Variants in TP73 observed in about 807,000 individuals in gnomAD.
TP73 encodes the protein p53-like transcription factor.
Under a neutral mutation model 62.5 loss-of-function variants are expected in TP73, and 25 were observed. The ratio of observed to expected loss-of-function variants is 0.40; its 90% CI spans 0.29 to 0.56. TP73 has a LOEUF of 0.56. TP73 is among the 20% of genes least tolerant of loss of function. The pLI is 0.46. For synonymous variants in TP73, 423 were observed against 377.5 expected (o/e 1.12, Z -1.40); for missense variants, 754 against 913.3 (o/e 0.83, Z 2.25).
At chr1:3,664,930 C>A (rs1209287975) in intron 1 of TP73, among the ~76,000 whole-genome samples, 1 of 152,200 alleles carries the variant, frequency 6.6e-6, no homozygotes, top group Non-Finnish European at 1.5e-5. Flanking sequence ...ACCATCCTCT[C>A]TTTATGGTCC....
intron 1 of TP73, among the ~76,000 whole-genome samples, chr1:3,669,116 G>T (rs1218308436): frequency 6.6e-6 from 1 of 152,254 alleles, no homozygotes; most frequent in Non-Finnish European, 1.5e-5. Context: ...AGCCAGCCGA[G>T]GGCCACTTCC....
intron 1 of TP73, among the ~76,000 whole-genome samples, chr1:3,675,446 A>T (rs1200629421): frequency 6.6e-6 from 1 of 152,064 alleles, no homozygotes; most frequent in African/African-American, 2.4e-5. Context: ...GTGCATTGAG[A>T]TGTTTGCTTT....
chr1:3,725,801 T>C (rs1263114581), intron 6 of TP73, among the ~76,000 whole-genome samples: 1 of 26,490 alleles, frequency 3.8e-5, no homozygotes, highest in Non-Finnish European at 6.6e-5. Flanking sequence ...GGATGATGGA[T>C]GGATGGATGG....
chr1:3,715,641 C>A (rs1373084528), intron 4 of TP73, among the ~76,000 whole-genome samples: 1 of 152,166 alleles, frequency 6.6e-6, no homozygotes, highest in Non-Finnish European at 1.5e-5. Context: ...TGCCCCATTC[C>A]CTGGCAGGTG....
Position 3,701,821 on chromosome 1 carries a change from T to C in TP73, c.187-5728T>C, listed in dbSNP as rs1639194765. ...ACCACGCCTGGCCAGTACATGTTGA[T>C]TTCATCCCCACTCTGCAGATGAGAA... On this transcript the variant is annotated intron_variant, in intron 3 of 13. Transcript: ENST00000378295. This position sits in a 1 kb window ranked among gnomAD's most constrained non-coding sequence, Gnocchi z 4.7. 6.6e-6 allele frequency among the ~76,000 whole-genome samples: 1 copy of C among 152,136 alleles called. No homozygotes were observed. The highest frequency in any genetic ancestry group is 1.5e-5 in the Non-Finnish European group (1 of 68,020).
chr1:3,685,589 C>T (rs1479041082), intron 3 of TP73, among the ~76,000 whole-genome samples: 1 of 152,218 alleles, frequency 6.6e-6, no homozygotes, highest in African/African-American at 2.4e-5. Context: ...GTCCCCTACC[C>T]CTGACTCCCA....
intron 10 of TP73, 132 bp from the exon 11 acceptor site, chr1:3,729,868 G>A (rs921095670): frequency 7.0e-6 from 9 of 1,293,690 alleles, no homozygotes; most frequent in South Asian, 3.0e-5. Context: ...AGGGAGGCTG[G>A]GGGAGGATGA....
At chr1:3,711,833 C>T (rs1364381049) in intron 4 of TP73, among the ~76,000 whole-genome samples, 3 of 123,830 alleles carry the variant, frequency 2.4e-5, no homozygotes, top group African/African-American at 8.1e-5. Context: ...TGTGTGTGTG[C>T]GCGAGCGTGT....
chr1:3,704,099 C>G (rs964265965), intron 3 of TP73, among the ~76,000 whole-genome samples: 4 of 152,190 alleles, frequency 2.6e-5, no homozygotes, highest in African/African-American at 9.7e-5. Context: ...TCTGCCAGCT[C>G]GCTTGTTCAG....
chr1:3,669,885 C>T (rs1297788244), intron 1 of TP73, among the ~76,000 whole-genome samples: 2 of 152,182 alleles, frequency 1.3e-5, no homozygotes, highest in African/African-American at 4.8e-5. Context: ...GCAGTGCCTG[C>T]GGACACATGT....
At chr1:3,707,852 C>CT in intron 4 of TP73, 61 bp downstream of exon 4, 1 of 1,560,282 alleles carries the variant, frequency 6.4e-7, no homozygotes, top group Non-Finnish European at 8.7e-7. Flanking sequence ...GAGGAGGTGG[C>CT]TGCGTTCCCC....
rs369342367 is a variant in TP73 at position 3,730,995 on chromosome 1, G to T, written c.1414G>T (p.Ala472Ser). 1 of 1,612,350 alleles carries T rather than the reference G, an allele frequency of 6.2e-7. No individual in the cohort carries two copies. Among genetic ancestry groups the T allele is most frequent in the South Asian group, 1.1e-5 (1 of 91,042 alleles). The change falls in exon 12 of 14, where the codon GCC becomes TCC. Residue 472 changes from alanine to serine, a missense_variant. Transcript: ENST00000378295. ...CGGCGAGATGAGCAGCAGCCACAGC[G>T]CCCAGTCCATGGTCTCGGGGTCCCA... ...ANGEMSSSHS[A>S]QSMVSGSHCT...
chr1:3,726,441 G>C (rs1269563343), intron 6 of TP73, among the ~76,000 whole-genome samples: 1 of 123,238 alleles, frequency 8.1e-6, no homozygotes, highest in South Asian at 2.9e-4. Flanking sequence ...GGGTGGACGT[G>C]TGGGTGGGTG....
rs761491632 is a variant in TP73 at position 3,707,607 on chromosome 1, C to T, written c.245C>T (p.Ala82Val). Residue 82 changes from alanine (A) to valine (V), a missense_variant, in exon 4 of 14, where the codon GCC (alanine) becomes GTC (valine). Physicochemically the swap from Ala to Val is moderately conservative, Grantham distance 64. This residue lies in a region of TP73 where 235 missense variants were observed against 251.4 expected (regional missense o/e 0.93). Transcript: ENST00000378295. ...CAGATGAGCAGCCGCGCGGCCTCGGCCAGCCCCTACACCCCAGAGCACGCC... is the reference window on the plus strand; with the variant it reads ...CAGATGAGCAGCCGCGCGGCCTCGGTCAGCCCCTACACCCCAGAGCACGCC... ...MDQMSSRAAS[A>V]SPYTPEHAAS... is the part of the protein sequence containing the mutation. The T allele has an allele frequency of 7.4e-6, 12 of 1,612,728 alleles. No individual in the cohort carries two copies. Among genetic ancestry groups the T allele is most frequent in the Non-Finnish European group, 1.0e-5 (12 of 1,179,848 alleles).
At position 3,699,715 on chromosome 1, in the gene TP73, G is replaced by A. The variant is rs774585110; in HGVS notation, c.187-7834G>A. ...TGAATGAGAGTGCGGGATAAATGCCGGGCGGGGAGCAGGGATGCTCGGGCG... is the reference window on the plus strand; with the variant it reads ...TGAATGAGAGTGCGGGATAAATGCCAGGCGGGGAGCAGGGATGCTCGGGCG... On this transcript the variant is annotated intron_variant, in intron 3 of 13. Coordinates refer to ENST00000378295, the MANE Select transcript of TP73 (RefSeq NM_005427.4). This position sits in a 1 kb window ranked among gnomAD's most constrained non-coding sequence, Gnocchi z 4.1. Among the ~76,000 whole-genome samples the A allele has an allele frequency of 8.5e-5, 13 of 152,312 alleles. No individual in the cohort carries two copies. Among genetic ancestry groups the A allele is most frequent in the Admixed American group, 2.0e-4 (3 of 15,302 alleles).
intron 6 of TP73, among the ~76,000 whole-genome samples, chr1:3,724,351 T>TC (rs1350057754): frequency 6.8e-6 from 1 of 146,094 alleles, no homozygotes; most frequent in African/African-American, 2.6e-5. Context: ...AGCCCCAGCC[T>TC]CCCCCACCAG....
At chr1:3,690,980 G>A in intron 3 of TP73, 1 of 1,562,592 alleles carries the variant, frequency 6.4e-7, no homozygotes, top group Non-Finnish European at 8.7e-7. Flanking sequence ...ATCTCTTCGG[G>A]GACTTTGCGG....
At position 3,722,045 on chromosome 1, in the gene TP73, T is replaced by C. The variant is rs1641113989; in HGVS notation, c.454T>C (p.Tyr152His). ...GTACTCCCCGCTCTTGAAGAAACTC[T>C]ACTGCCAGATCGCCAAGACATGCCC... ...WTYSPLLKKL[Y>H]CQIAKTCPIQ... Residue 152 changes from tyrosine (Y) to histidine (H), a missense_variant, in exon 5 of 14, where the codon TAC becomes CAC. Transcript: ENST00000378295. 6.2e-7 allele frequency: 1 copy of C among 1,610,970 alleles called. No individual in the cohort carries two copies. Among genetic ancestry groups the C allele is most frequent in the Non-Finnish European group, 8.5e-7 (1 of 1,178,510 alleles).
rs1436702612 is a variant in TP73, at chr1:3,700,650, T to A, written c.187-6899T>A. Among the ~76,000 whole-genome samples the A allele has an allele frequency of 7.2e-5, 11 of 151,868 alleles. No homozygotes were observed. In the South Asian group the frequency reaches 2.3e-3, roughly 32 times the overall value. ...CCGTCTCTACTAAAAATACAAAAAT[T>A]AGCGTCTGTAATCCCAGCTACTGGG... On this transcript the variant is annotated intron_variant, in intron 3 of 13. Coordinates refer to ENST00000378295, the MANE Select transcript of TP73 (RefSeq NM_005427.4).
Sources: allele counts gnomAD v4.1 joint callset (sites outside exome capture counted in the v4.1 genomes callset), GRCh38; gene constraint gnomAD v4.1.1; regional missense constraint gnomAD v4.1.1; non-coding constraint Gnocchi (gnomAD v3.1); transcripts MANE v1.5; gene names NCBI Gene and HGNC (gene_info 2026-07-23, HGNC 2026-07-21).